GATAD2A: variants seen among roughly 807,000 people sequenced by gnomAD.
GATAD2A encodes GATA zinc finger domain containing 2A.
A neutral mutation model predicts 68.5 loss-of-function variants in GATAD2A; 12 were observed. The observed-to-expected ratio is 0.18, with a 90% CI of 0.11 to 0.28. GATAD2A has a LOEUF of 0.28. Among genes scored for constraint, GATAD2A ranks in the 10% least tolerant of loss-of-function variants. GATAD2A has a pLI of 1.00. For missense variants in GATAD2A, 755 were observed against 868.5 expected (o/e 0.87, Z 1.64); for synonymous variants, 410 against 375.3 (o/e 1.09, Z -1.07).
intron 1 of GATAD2A, among the ~76,000 whole-genome samples, chr19:19,406,388 G>C (rs1380752709): frequency 6.6e-6 from 1 of 151,120 alleles, no homozygotes; most frequent in African/African-American, 2.4e-5. Flanking sequence ...ACGTGGGCGC[G>C]CGGGGCGGGG....
At chr19:19,481,032 C>T (rs2059021560) in intron 2 of GATAD2A, among the ~76,000 whole-genome samples, 1 of 152,222 alleles carries the variant, frequency 6.6e-6, no homozygotes, top group African/African-American at 2.4e-5. Context: ...GGCGAGGAAG[C>T]TGGCATCTCT....
At chr19:19,456,783 G>T (rs1027940649) in intron 1 of GATAD2A, among the ~76,000 whole-genome samples, 1 of 152,200 alleles carries the variant, frequency 6.6e-6, no homozygotes, top group Non-Finnish European at 1.5e-5. Context: ...TACAGGTCCA[G>T]TGCTCCCCAT....
intron 1 of GATAD2A, among the ~76,000 whole-genome samples, chr19:19,410,890 G>C (rs552644582): frequency 2.0e-4 from 31 of 152,340 alleles, no homozygotes; most frequent in African/African-American, 7.5e-4. Flanking sequence ...CCCGTGGAAG[G>C]CTGTGTTGGG....
At chr19:19,415,273 T>C (rs1253040929) in intron 1 of GATAD2A, among the ~76,000 whole-genome samples, 1 of 150,862 alleles carries the variant, frequency 6.6e-6, no homozygotes, top group African/African-American at 2.4e-5. Context: ...CTGCCTCAGC[T>C]TCCCGAGTAG....
intron 11 of GATAD2A, among the ~76,000 whole-genome samples, chr19:19,502,961 G>C (rs748375419): frequency 8.5e-5 from 13 of 152,218 alleles, no homozygotes; most frequent in Admixed American, 5.9e-4. Flanking sequence ...ACAGTAATGC[G>C]GGGCAGGGGG....
rs79400852 is a variant in GATAD2A at position 19,466,850 on chromosome 19, A to C, written c.269+1236A>C. Among the ~76,000 whole-genome samples, 376 of 152,164 alleles carry C rather than the reference A, an allele frequency of 2.5e-3. 2 individuals carry two copies. Among genetic ancestry groups the C allele is most frequent in the African/African-American group, 8.6e-3 (357 of 41,522 alleles). On this transcript the variant is annotated intron_variant, in intron 2 of 11. Coordinates refer to ENST00000683918, the MANE Select transcript of GATAD2A (RefSeq NM_001384528.1). ...GTCCAAGTCTCCTTTTCCTTTCTCT[A>C]TGTTTTCAGCCAGAGACCAGTCCAT...
intron 1 of GATAD2A, among the ~76,000 whole-genome samples, chr19:19,463,516 G>A (rs930478430): frequency 2.0e-5 from 3 of 152,274 alleles, no homozygotes; most frequent in Middle Eastern, 3.4e-3. Context: ...GAGCGGGGGC[G>A]GGGGTGGACA....
At chr19:19,502,961 G>A (rs748375419) in intron 11 of GATAD2A, among the ~76,000 whole-genome samples, 12 of 152,218 alleles carry the variant, frequency 7.9e-5, no homozygotes, top group Non-Finnish European at 7.3e-5. Context: ...ACAGTAATGC[G>A]GGGCAGGGGG....
chr19:19,500,206 C>T (rs1240870743), intron 8 of GATAD2A, among the ~76,000 whole-genome samples: 2 of 152,232 alleles, frequency 1.3e-5, no homozygotes, highest in Non-Finnish European at 2.9e-5. Context: ...CGCACCATGT[C>T]TGGTTCTGGC....
chr19:19,476,355 G>A (rs2058676789), intron 2 of GATAD2A, among the ~76,000 whole-genome samples: 1 of 152,178 alleles, frequency 6.6e-6, no homozygotes, highest in African/African-American at 2.4e-5. Flanking sequence ...CTCCCAGCAT[G>A]TATTCCTGCT....
At chr19:19,415,891 C>A (rs2051562787) in intron 1 of GATAD2A, among the ~76,000 whole-genome samples, 1 of 152,112 alleles carries the variant, frequency 6.6e-6, no homozygotes, top group Non-Finnish European at 1.5e-5. Flanking sequence ...GTTGGAATTG[C>A]AGGCATGAGC....
chr19:19,415,618 A>AT (rs71170682), intron 1 of GATAD2A, among the ~76,000 whole-genome samples: 43,223 of 118,014 alleles, frequency 0.37, 8,522 homozygotes, highest in South Asian at 0.44. Flanking sequence ...CCGGGCTAAT[A>AT]TTTTTTTTTT....
intron 1 of GATAD2A, among the ~76,000 whole-genome samples, chr19:19,422,912 C>T (rs1294224254): frequency 1.3e-5 from 2 of 152,116 alleles, no homozygotes; most frequent in Admixed American, 6.6e-5. Context: ...AGGGTTTCAC[C>T]GTTTTAGCCA....
At chr19:19,484,432 C>T (rs1264578671) in intron 2 of GATAD2A, among the ~76,000 whole-genome samples, 1 of 151,190 alleles carries the variant, frequency 6.6e-6, no homozygotes. Flanking sequence ...GACCCTGTCT[C>T]TAAAAAAAGA....
intron 1 of GATAD2A, among the ~76,000 whole-genome samples, chr19:19,429,856 G>T (rs2053537381): frequency 6.6e-6 from 1 of 152,040 alleles, no homozygotes. Context: ...CGCATCTCTA[G>T]TCTGCCAAGT....
intron 1 of GATAD2A, among the ~76,000 whole-genome samples, chr19:19,424,285 A>G (rs906807162): frequency 3.3e-5 from 5 of 152,038 alleles, no homozygotes; most frequent in African/African-American, 1.2e-4. Context: ...GCTAGAGTGC[A>G]GTGGCGTGAT....
At chr19:19,500,911 C>T (rs550544938) in intron 8 of GATAD2A, among the ~76,000 whole-genome samples, 4 of 152,340 alleles carry the variant, frequency 2.6e-5, no homozygotes, top group African/African-American at 9.6e-5. Flanking sequence ...GTGTCATGTC[C>T]AGCGATGGGT....
intron 5 of GATAD2A, among the ~76,000 whole-genome samples, chr19:19,494,677 T>C (rs1262641889): frequency 6.6e-6 from 1 of 152,214 alleles, no homozygotes; most frequent in Non-Finnish European, 1.5e-5. Flanking sequence ...TCTCCCTTCG[T>C]GTTGACTCTT....
At chr19:19,386,541 C>T (rs1568684859) in intron 1 of GATAD2A, among the ~76,000 whole-genome samples, 1 of 151,862 alleles carries the variant, frequency 6.6e-6, no homozygotes. Flanking sequence ...GGACTCCCAT[C>T]TCTCCAGGCA....
Sources: gnomAD v4.1 joint callset for allele counts (sites outside exome capture counted in the v4.1 genomes callset) on GRCh38, gnomAD v4.1.1 for gene constraint, MANE v1.5 for transcripts, NCBI Gene and HGNC (gene_info 2026-07-23, HGNC 2026-07-21) for gene names.